The following RNFT2 variants were observed in gnomAD, a reference collection of about 807,000 sequenced individuals.
The protein encoded by RNFT2 is E3 ubiquitin-protein ligase RNFT2.
Under a neutral mutation model 53.0 loss-of-function variants are expected in RNFT2, and 36 were observed. That is an observed-to-expected ratio of 0.68 (90% CI 0.52 to 0.90). RNFT2 has a LOEUF of 0.90. Among genes scored for constraint, RNFT2 ranks in the 40% least tolerant of loss-of-function variants. RNFT2 has a pLI of 0.00. For missense variants in RNFT2, 514 were observed against 585.6 expected, an observed-to-expected ratio of 0.88 and a Z score of 1.26; for synonymous variants, 260 against 253.2, an observed-to-expected ratio of 1.03 and a Z score of -0.26.
In RNFT2 at chr12:116,852,954, C is replaced by T. The variant is rs1877997550; in HGVS notation, c.*3506C>T. Reference sequence around the variant, plus strand: ...TTCTCTAACACTGCAAAGAGTGAGCCATGCCTGTTAACACTGTAAAGAATG... The same window carrying T: ...TTCTCTAACACTGCAAAGAGTGAGCTATGCCTGTTAACACTGTAAAGAATG... On this transcript the variant is annotated 3_prime_UTR_variant, in exon 11 of 11. Coordinates refer to ENST00000257575, the MANE Select transcript of RNFT2 (RefSeq NM_001382266.1). 1.0e-5 allele frequency: 6 copies of T among 584,974 alleles called. No homozygotes were observed. The South Asian group carries it at 1.4e-4, about 13-fold the overall frequency. The allele number at this position is 584,974 out of a possible 1,614,324, so 36.2% of individuals were successfully genotyped here. A position where few individuals can be genotyped will look rare whatever the true frequency, so the allele number is the denominator to read the frequency against.
chr12:116,792,731 A>G (rs550310087), intron 7 of RNFT2, among the ~76,000 whole-genome samples: 5 of 152,206 alleles, frequency 3.3e-5, no homozygotes, highest in African/African-American at 7.2e-5. Flanking sequence ...ATCCTCATCA[A>G]TCCTTGTCTG....
chr12:116,806,945 C>T (rs1370327344), intron 7 of RNFT2, among the ~76,000 whole-genome samples: 1 of 152,108 alleles, frequency 6.6e-6, no homozygotes, highest in Admixed American at 6.5e-5. Context: ...TTTTGCTCCT[C>T]ATTTGTAAAA....
At chr12:116,775,533 A>G (rs932739260) in intron 6 of RNFT2, among the ~76,000 whole-genome samples, 6 of 152,160 alleles carry the variant, frequency 3.9e-5, no homozygotes, top group Non-Finnish European at 7.3e-5. Flanking sequence ...CCTTAATTCT[A>G]CCACTTCCCA....
At chr12:116,830,194 G>A (rs1876567543) in intron 7 of RNFT2, among the ~76,000 whole-genome samples, 1 of 152,134 alleles carries the variant, frequency 6.6e-6, no homozygotes, top group East Asian at 1.9e-4. Context: ...GCAAGGGCAG[G>A]AAATGAACAT....
rs562068876 is a variant in RNFT2 at position 116,798,064 on chromosome 12, A to G, written c.882+18716A>G. On this transcript the variant is annotated intron_variant, in intron 7 of 10. Coordinates refer to ENST00000257575, the MANE Select transcript of RNFT2 (RefSeq NM_001382266.1). ...TCTCTGGAGTCAAGTCCCGCCTGCTACCTCACTAGGACGGGCCCTGGTCCA... is the reference window on the plus strand; with the variant it reads ...TCTCTGGAGTCAAGTCCCGCCTGCTGCCTCACTAGGACGGGCCCTGGTCCA... Among the ~76,000 whole-genome samples, 4 of 152,198 alleles carry G rather than the reference A, an allele frequency of 2.6e-5. No homozygotes were observed. In the East Asian group the frequency reaches 5.8e-4, roughly 22 times the overall value.
At chr12:116,847,955 A>G (rs1356126745) in intron 10 of RNFT2, among the ~76,000 whole-genome samples, 2 of 152,182 alleles carry the variant, frequency 1.3e-5, no homozygotes, top group Non-Finnish European at 2.9e-5. Context: ...TCACCTAGGT[A>G]TTAAGCCCCA....
At chr12:116,763,846 T>C (rs1592944824) in intron 5 of RNFT2, among the ~76,000 whole-genome samples, 1 of 151,906 alleles carries the variant, frequency 6.6e-6, no homozygotes, top group African/African-American at 2.4e-5. Context: ...GCAATCCTAC[T>C]ACTAGGCATC....
intron 1 of RNFT2, 148 bp downstream of exon 1, chr12:116,738,518 C>T (rs1475331262): frequency 1.3e-5 from 2 of 152,200 alleles, no homozygotes; most frequent in Admixed American, 6.5e-5. Flanking sequence ...CACCTGCCGG[C>T]TTCCAGTCCA....
At chr12:116,845,176 C>T (rs1403408256) in intron 10 of RNFT2, among the ~76,000 whole-genome samples, 1 of 147,142 alleles carries the variant, frequency 6.8e-6, no homozygotes, top group African/African-American at 2.6e-5. Flanking sequence ...CCCAGGAGAT[C>T]AAGGCTGCTG....
At chr12:116,766,980 C>A in intron 6 of RNFT2, 66 bp downstream of exon 6, 1 of 1,103,574 alleles carries the variant, frequency 9.1e-7, no homozygotes, top group Non-Finnish European at 1.3e-6. Flanking sequence ...GGGGCACGTA[C>A]CCTTTCACTT....
chr12:116,836,056 G>T, intron 9 of RNFT2, 31 bp downstream of exon 9: 1 of 1,612,652 alleles, frequency 6.2e-7, no homozygotes, highest in Non-Finnish European at 8.5e-7. Context: ...CCCCACCAGG[G>T]TCCTGAGAAT....
chr12:116,809,215 ATT>A (rs1875239524), intron 7 of RNFT2, among the ~76,000 whole-genome samples: 1 of 151,916 alleles, frequency 6.6e-6, no homozygotes, highest in Non-Finnish European at 1.5e-5. Flanking sequence ...TCATTCATTC[ATT>A]CATTCATCAC....
At chr12:116,808,118 C>T (rs1418348585) in intron 7 of RNFT2, among the ~76,000 whole-genome samples, 1 of 152,160 alleles carries the variant, frequency 6.6e-6, no homozygotes, top group African/African-American at 2.4e-5. Flanking sequence ...CGCCCGCCAC[C>T]ATGCCCAGCT....
chr12:116,791,825 G>A (rs575610366), intron 7 of RNFT2, among the ~76,000 whole-genome samples: 71 of 152,248 alleles, frequency 4.7e-4, no homozygotes, highest in South Asian at 4.6e-3. Flanking sequence ...ATCCTATGTT[G>A]AACCTTTTGA....
intron 7 of RNFT2, among the ~76,000 whole-genome samples, chr12:116,812,003 C>A (rs1255375759): frequency 6.6e-6 from 1 of 152,172 alleles, no homozygotes; most frequent in Non-Finnish European, 1.5e-5. Flanking sequence ...ACTCTGATGC[C>A]TCTTCTGTGT....
At chr12:116,756,058 G>T (rs1872497120) in intron 5 of RNFT2, among the ~76,000 whole-genome samples, 1 of 152,070 alleles carries the variant, frequency 6.6e-6, no homozygotes, top group Admixed American at 6.6e-5. Flanking sequence ...CTCTTTTCTG[G>T]TTCCATATGA....
intron 7 of RNFT2, among the ~76,000 whole-genome samples, chr12:116,787,217 C>T (rs112186221): frequency 3.3e-5 from 5 of 152,348 alleles, no homozygotes; most frequent in African/African-American, 1.2e-4. Context: ...AAATCCAACT[C>T]TTCCAACTCC....
chr12:116,761,765 C>T (rs1270685717), intron 5 of RNFT2, among the ~76,000 whole-genome samples: 1 of 152,186 alleles, frequency 6.6e-6, no homozygotes, highest in African/African-American at 2.4e-5. Flanking sequence ...TGAGCCCGTG[C>T]TCATTCCAGG....
chr12:116,816,969 T>G (rs923340941), intron 7 of RNFT2, among the ~76,000 whole-genome samples: 1 of 152,178 alleles, frequency 6.6e-6, no homozygotes, highest in Non-Finnish European at 1.5e-5. Context: ...TGATTACCAT[T>G]TGTGTGTTTT....
Sources: allele counts gnomAD v4.1 joint callset (sites outside exome capture counted in the v4.1 genomes callset), GRCh38; gene constraint gnomAD v4.1.1; transcripts MANE v1.5; gene names NCBI Gene and HGNC (gene_info 2026-07-23, HGNC 2026-07-21).